Variants in NFIX observed in about 807,000 individuals in gnomAD.
NFIX encodes the protein nuclear factor I X.
A neutral mutation model predicts 53.3 loss-of-function variants in NFIX; 2 were observed. The ratio of observed to expected loss-of-function variants is 0.04; its 90% CI spans 0.02 to 0.12. NFIX has a LOEUF of 0.12. Among genes scored for constraint, NFIX ranks in the 10% least tolerant of loss-of-function variants. The probability of loss-of-function intolerance (pLI) is 1.00; values close to 1 mark genes in which losing one functional copy is unlikely to be tolerated. For synonymous variants in NFIX, 244 were observed against 289.0 expected (o/e 0.84, Z 1.58); for missense variants, 310 against 674.5 (o/e 0.46, Z 5.99).
chr19:13,062,707 C>T (rs2016169953), intron 2 of NFIX, among the ~76,000 whole-genome samples: 3 of 152,184 alleles, frequency 2.0e-5, no homozygotes, highest in Admixed American at 2.0e-4. Flanking sequence ...GGGAGAAGGG[C>T]CCCACTTAAA....
rs1258856236 is a variant in NFIX at position 13,040,261 on chromosome 19, G to A, written c.559+14709G>A. On this transcript the variant is annotated intron_variant, in intron 2 of 10. Transcript: ENST00000592199. The surrounding 1 kb of genome is among the most constrained non-coding windows in gnomAD (Gnocchi z 4.2). Reference sequence around the variant, plus strand: ...CTCAGCCCACCCCACCCTCTCATAGGCCTTTTCTTGGTCTCCTTGGCTGTC... The same window carrying A: ...CTCAGCCCACCCCACCCTCTCATAGACCTTTTCTTGGTCTCCTTGGCTGTC... Among the ~76,000 whole-genome samples the A allele has an allele frequency of 6.6e-6, 1 of 152,166 alleles. No individual in the cohort carries two copies. Among genetic ancestry groups the A allele is most frequent in the Non-Finnish European group, 1.5e-5 (1 of 68,028 alleles).
In NFIX at chr19:13,052,080, C is replaced by T. The variant is rs954134811; in HGVS notation, c.560-20967C>T. On this transcript the variant is annotated intron_variant, in intron 2 of 10. Transcript: ENST00000592199. The surrounding 1 kb of genome is among the most constrained non-coding windows in gnomAD (Gnocchi z 5.2). ...GCTTGCAGGATTTGGGACCAAACGC[C>T]CTCAGGCATCCAGGTGGTGCCCGGG... Among the ~76,000 whole-genome samples, 2 of 152,198 alleles carry T rather than the reference C, an allele frequency of 1.3e-5. No homozygotes were observed. Among genetic ancestry groups the T allele is most frequent in the African/African-American group, 4.8e-5 (2 of 41,450 alleles).
In NFIX at chr19:13,093,424, C is replaced by T. The variant is rs1299081402; in HGVS notation, c.1495-1211C>T. ...TTTTGAAAAGTTGGCAGATGAGCTG[C>T]CCTGGGCCCTCACCCTGACCCTAGG... On this transcript the variant is annotated intron_variant, in intron 10 of 10. Coordinates refer to ENST00000592199, the MANE Select transcript of NFIX (RefSeq NM_001365902.3). The surrounding 1 kb of genome is among the most constrained non-coding windows in gnomAD (Gnocchi z 4.7). Among the ~76,000 whole-genome samples the T allele has an allele frequency of 6.6e-6, 1 of 152,254 alleles. No homozygotes were observed. The highest frequency in any genetic ancestry group is 2.4e-5 in the African/African-American group (1 of 41,474).
At chr19:13,070,886 A>G (rs1042007620) in intron 2 of NFIX, 5 of 152,140 alleles carry the variant, frequency 3.3e-5, no homozygotes, top group African/African-American at 4.8e-5. Context: ...GCCCACCTCC[A>G]TCTCTTTGTC....
At chr19:13,032,485 C>T (rs891731482) in intron 2 of NFIX, among the ~76,000 whole-genome samples, 18 of 152,336 alleles carry the variant, frequency 1.2e-4, no homozygotes, top group East Asian at 7.7e-4. Context: ...CTCCTCACAG[C>T]TGTGGATTTG....
Position 13,081,407 on chromosome 19 carries a change from A to C in NFIX, c.1079-273A>C, listed in dbSNP as rs534282682. 1.2e-4 allele frequency among the ~76,000 whole-genome samples: 18 copies of C among 152,262 alleles called. No individual in the cohort carries two copies. Among genetic ancestry groups the C allele is most frequent in the African/African-American group, 4.3e-4 (18 of 41,534 alleles). Reference sequence around the variant, plus strand: ...TAATCTCCCAGCGCTGGTTGTGATCAAACTTTATTTACAAAAACAAATGGC... The same window carrying C: ...TAATCTCCCAGCGCTGGTTGTGATCCAACTTTATTTACAAAAACAAATGGC... On this transcript the variant is annotated intron_variant, in intron 7 of 10. Transcript: ENST00000592199. The surrounding 1 kb of genome is among the most constrained non-coding windows in gnomAD (Gnocchi z 4.7).
At chr19:13,017,866 C>A (rs1052749140) in intron 1 of NFIX, among the ~76,000 whole-genome samples, 4 of 152,194 alleles carry the variant, frequency 2.6e-5, no homozygotes, top group Non-Finnish European at 4.4e-5. Flanking sequence ...TCCCTCTTCC[C>A]GGGCCCTTGG....
chr19:13,063,279 T>G (rs1487388910), intron 2 of NFIX, among the ~76,000 whole-genome samples: 1 of 152,154 alleles, frequency 6.6e-6, no homozygotes, highest in Non-Finnish European at 1.5e-5. Flanking sequence ...TCTCTGAGCC[T>G]TCTCCTTTTC....
rs766197333 is a variant in NFIX at position 13,088,155 on chromosome 19, C to G, written c.1402+19C>G. 1 of 1,536,292 alleles carries G rather than the reference C, an allele frequency of 6.5e-7. No individual in the cohort carries two copies. On this transcript the variant is annotated intron_variant, in intron 9 of 10. Coordinates refer to ENST00000592199, the MANE Select transcript of NFIX (RefSeq NM_001365902.3). This position sits in a 1 kb window ranked among gnomAD's most constrained non-coding sequence, Gnocchi z 5.9. ...TCACCTTGTAAGTGGACGATGAAAC[C>G]GAAACCACAACGCCCAGCGTCCCCG...
In NFIX at chr19:13,037,375, C is replaced by G. The variant is rs972366677; in HGVS notation, c.559+11823C>G. On this transcript the variant is annotated intron_variant, in intron 2 of 10. Coordinates refer to ENST00000592199, the MANE Select transcript of NFIX (RefSeq NM_001365902.3). This position sits in a 1 kb window ranked among gnomAD's most constrained non-coding sequence, Gnocchi z 4.2. ...GTAGGCCAGTTTCAGCCTTAGTAAT[C>G]TAAGAAATATGTGAGCAATTTGATG... Among the ~76,000 whole-genome samples, 2 of 152,190 alleles carry G rather than the reference C, an allele frequency of 1.3e-5. No individual in the cohort carries two copies. The highest frequency in any genetic ancestry group is 4.8e-5 in the African/African-American group (2 of 41,428).
At chr19:12,997,614 G>A (rs1391131683) in intron 1 of NFIX, among the ~76,000 whole-genome samples, 1 of 152,212 alleles carries the variant, frequency 6.6e-6, no homozygotes, top group Non-Finnish European at 1.5e-5. Context: ...GGGCTGTGTG[G>A]CCGATGTTTG....
In NFIX at chr19:13,072,988, G is replaced by GCCCCTCCAGC; in HGVS notation, c.560-58_560-57insCCCTCCAGCC. On this transcript the variant is annotated intron_variant, in intron 2 of 10. Coordinates refer to ENST00000592199, the MANE Select transcript of NFIX (RefSeq NM_001365902.3). The surrounding 1 kb of genome is among the most constrained non-coding windows in gnomAD (Gnocchi z 4.0). The stretch of plus-strand genomic sequence containing the variant: ...ACCAGGCTGGAGGGGCCAATGCTTG[G>GCCCCTCCAGC]CTGGTGCTTATGGGGAACTTTGCTC... 1 of 1,539,608 alleles carries GCCCCTCCAGC rather than the reference G, an allele frequency of 6.5e-7. No homozygotes were observed. The highest frequency in any genetic ancestry group is 1.1e-5 in the South Asian group (1 of 89,662).
rs115390279 is a variant in NFIX at position 13,073,738 on chromosome 19, A to G, written c.698-168A>G. Among the ~76,000 whole-genome samples the G allele has an allele frequency of 8.8e-3, 1,340 of 152,236 alleles. 23 individuals are homozygous for G. Among genetic ancestry groups the G allele is most frequent in the African/African-American group, 0.031 (1,281 of 41,530 alleles). ...ACAACCAAAGGCTCTTCTGTGACCC[A>G]CTAGCTGGGAGGAGGTTCCTCAGCA... On this transcript the variant is annotated intron_variant, in intron 4 of 10. Transcript: ENST00000592199. This position sits in a 1 kb window ranked among gnomAD's most constrained non-coding sequence, Gnocchi z 4.5.
At chr19:13,032,380 G>T (rs954249422) in intron 2 of NFIX, among the ~76,000 whole-genome samples, 2 of 152,190 alleles carry the variant, frequency 1.3e-5, no homozygotes, top group African/African-American at 4.8e-5. Flanking sequence ...CAGATCTTAT[G>T]TGCTAGGCCT....
At chr19:13,070,190 A>G (rs1220300732) in intron 2 of NFIX, 2 of 152,284 alleles carry the variant, frequency 1.3e-5, no homozygotes, top group Non-Finnish European at 1.5e-5. Flanking sequence ...CCCTGCAGCC[A>G]CTGGCTGGTT....
chr19:13,077,128 G>GC (rs1215613164), intron 6 of NFIX, among the ~76,000 whole-genome samples: 1 of 152,130 alleles, frequency 6.6e-6, no homozygotes, highest in Non-Finnish European at 1.5e-5. Context: ...TGCAAGGACT[G>GC]CCCCTGGGGT....
chr19:13,014,543 C>T lies in NFIX; in HGVS notation c.28-10478C>T, dbSNP rs1259437898. 6.6e-6 allele frequency: 1 copy of T among 152,254 alleles called. No individual in the cohort carries two copies. Among genetic ancestry groups the T allele is most frequent in the Non-Finnish European group, 1.5e-5 (1 of 68,042 alleles). 9.4% of individuals were successfully genotyped at this position (152,254 alleles called of 1,614,324 possible). A position where few individuals can be genotyped will look rare whatever the true frequency, so the allele number is the denominator to read the frequency against. On this transcript the variant is annotated intron_variant, in intron 1 of 10. Transcript: ENST00000592199. The surrounding 1 kb of genome is among the most constrained non-coding windows in gnomAD (Gnocchi z 4.4). ...AGAATCAAGTATTTCTAGAGATCGC[C>T]TGCTCAGAGGGCTCAGATCCCTTGT...
chr19:13,056,009 G>T (rs2015663244), intron 2 of NFIX, among the ~76,000 whole-genome samples: 1 of 152,220 alleles, frequency 6.6e-6, no homozygotes. Flanking sequence ...GGCCTGTGGG[G>T]TGCGGTTTCG....
chr19:13,004,413 C>A (rs1333310464), intron 1 of NFIX, among the ~76,000 whole-genome samples: 1 of 152,136 alleles, frequency 6.6e-6, no homozygotes, highest in East Asian at 1.9e-4. Flanking sequence ...CCTGCCAAAC[C>A]CAGGCACAGT....
Sources: gnomAD v4.1 joint callset for allele counts (sites outside exome capture counted in the v4.1 genomes callset) on GRCh38, gnomAD v4.1.1 for gene constraint, Gnocchi (gnomAD v3.1) non-coding constraint, MANE v1.5 for transcripts, NCBI Gene and HGNC (gene_info 2026-07-23, HGNC 2026-07-21) for gene names.